Variants in AGTR1 observed in about 807,000 individuals in gnomAD.
AGTR1 encodes angiotensin II receptor type 1.
A neutral mutation model predicts 19.4 loss-of-function variants in AGTR1; 16 were observed. The ratio of observed to expected loss-of-function variants is 0.82; its 90% CI spans 0.56 to 1.25. AGTR1 has a LOEUF of 1.25. Among genes scored for constraint, AGTR1 ranks in the 50% most tolerant of loss-of-function variants. The pLI, the probability that AGTR1 is intolerant of heterozygous loss-of-function variation, is 0.00. For synonymous variants in AGTR1, 153 were observed against 154.9 expected (o/e 0.99, Z 0.09); for missense variants, 373 against 431.9 (o/e 0.86, Z 1.21).
At chr3:148,713,983 A>G (rs913180049) in intron 2 of AGTR1, among the ~76,000 whole-genome samples, 1 of 152,192 alleles carries the variant, frequency 6.6e-6, no homozygotes, top group East Asian at 1.9e-4. Context: ...TTGAACAGTT[A>G]TGAGGTAACT....
At chr3:148,706,916 TACAA>T (rs1712700355) in intron 1 of AGTR1, among the ~76,000 whole-genome samples, 1 of 152,064 alleles carries the variant, frequency 6.6e-6, no homozygotes, top group South Asian at 2.1e-4. Context: ...ACTTAGCATA[TACAA>T]ACAATTTGGT....
chr3:148,722,598 G>C (rs2107949427), intron 2 of AGTR1, among the ~76,000 whole-genome samples: 1 of 152,182 alleles, frequency 6.6e-6, no homozygotes, highest in Non-Finnish European at 1.5e-5. Flanking sequence ...TCTGGTCCCT[G>C]CTGGCCTGGA....
At chr3:148,702,039 A>G (rs1712379131) in intron 1 of AGTR1, among the ~76,000 whole-genome samples, 1 of 145,034 alleles carries the variant, frequency 6.9e-6, no homozygotes, top group Non-Finnish European at 1.5e-5. Flanking sequence ...GTGCAGTGGC[A>G]TGATCTCGGC....
rs766765776 is a variant in AGTR1 at position 148,742,084 on chromosome 3, A to G, written c.1049A>G (p.Lys350Arg). 1.2e-6 allele frequency: 2 copies of G among 1,614,152 alleles called. No individual in the cohort carries two copies. The highest frequency in any genetic ancestry group is 1.1e-5 in the South Asian group (1 of 91,084). Reference protein sequence around the residue: ...RPSDNVSSSTKKPAPCFEVE With the variant: ...RPSDNVSSSTRKPAPCFEVE The stretch of plus-strand genomic sequence containing the variant: ...TCAGATAATGTAAGCTCATCCACCA[A>G]GAAGCCTGCACCATGTTTTGAGGTT... Residue 350 changes from lysine (K) to arginine (R), a missense_variant, in exon 3 of 3, where the codon AAG (lysine) becomes AGG (arginine). Coordinates refer to ENST00000349243, the MANE Select transcript of AGTR1 (RefSeq NM_000685.5).
chr3:148,700,906 C>A (rs1448795764), intron 1 of AGTR1, among the ~76,000 whole-genome samples: 1 of 152,124 alleles, frequency 6.6e-6, no homozygotes, highest in African/African-American at 2.4e-5. Context: ...GTTTGTGTTT[C>A]TTTTCACTGT....
At chr3:148,718,676 A>G (rs1209628934) in intron 2 of AGTR1, among the ~76,000 whole-genome samples, 1 of 152,236 alleles carries the variant, frequency 6.6e-6, no homozygotes, top group African/African-American at 2.4e-5. Flanking sequence ...TTTTAAACCT[A>G]TATATTATGA....
At position 148,741,964 on chromosome 3, in the gene AGTR1, A is replaced by G. The variant is rs2107976039; in HGVS notation, c.929A>G (p.Lys310Arg). ...TATGGCTTTCTGGGGAAAAAATTTA[A>G]AAGATATTTTCTCCAGCTTCTAAAA... The part of the protein sequence containing the change: ...LFYGFLGKKF[K>R]RYFLQLLKYI... The change falls in exon 3 of 3, where the codon AAA becomes AGA. Residue 310 changes from lysine to arginine, a missense_variant. Coordinates refer to ENST00000349243, the MANE Select transcript of AGTR1 (RefSeq NM_000685.5). The G allele has an allele frequency of 6.2e-7, 1 of 1,613,874 alleles. No individual in the cohort carries two copies.
chr3:148,714,647 G>A (rs1483401106), intron 2 of AGTR1, among the ~76,000 whole-genome samples: 3 of 152,178 alleles, frequency 2.0e-5, no homozygotes, highest in African/African-American at 4.8e-5. Context: ...GCTCTGAAGT[G>A]TAGTGAAATG....
At chr3:148,721,141 G>A (rs1173292399) in intron 2 of AGTR1, among the ~76,000 whole-genome samples, 5 of 152,302 alleles carry the variant, frequency 3.3e-5, no homozygotes, top group African/African-American at 4.8e-5. Flanking sequence ...AAAGAAGGTA[G>A]TTATCCCTGT....
At chr3:148,714,016 TAGAATA>T (rs1298760001) in intron 2 of AGTR1, among the ~76,000 whole-genome samples, 5 of 152,156 alleles carry the variant, frequency 3.3e-5, no homozygotes, top group African/African-American at 4.8e-5. Flanking sequence ...CCTTTGCCTC[TAGAATA>T]AGAATATCAA....
At chr3:148,708,419 T>C (rs1188463136) in intron 2 of AGTR1, among the ~76,000 whole-genome samples, 1 of 152,148 alleles carries the variant, frequency 6.6e-6, no homozygotes, top group East Asian at 1.9e-4. Context: ...CGATTTGGGT[T>C]CTTTGATACC....
chr3:148,732,726 GA>G lies in AGTR1; in HGVS notation c.-47-8259del, dbSNP rs1467859592. On this transcript the variant is annotated intron_variant, in intron 2 of 2. Transcript: ENST00000349243. ...AAGGATTATAAAAGTTCATGCTTCG[GA>G]AAATTTTTTTTTTTTTTTTTTTTTT... 9.2e-4 allele frequency among the ~76,000 whole-genome samples: 134 copies of G among 146,288 alleles called. 1 individual carries two copies. Among genetic ancestry groups the G allele is most frequent in the African/African-American group, 3.1e-3 (121 of 39,616 alleles).
At chr3:148,724,873 A>G (rs972281121) in intron 2 of AGTR1, among the ~76,000 whole-genome samples, 9 of 152,226 alleles carry the variant, frequency 5.9e-5, no homozygotes, top group Non-Finnish European at 1.2e-4. Flanking sequence ...TCATATCAAA[A>G]TATCCAAAAT....
At chr3:148,731,025 C>A (rs1714224277) in intron 2 of AGTR1, among the ~76,000 whole-genome samples, 1 of 152,062 alleles carries the variant, frequency 6.6e-6, no homozygotes, top group African/African-American at 2.4e-5. Flanking sequence ...TGTAAAATAT[C>A]TTAATAATTT....
chr3:148,736,309 C>T (rs1714568802), intron 2 of AGTR1, among the ~76,000 whole-genome samples: 1 of 152,186 alleles, frequency 6.6e-6, no homozygotes, highest in Admixed American at 6.5e-5. Flanking sequence ...TAGATTCCCA[C>T]CTCACTCATG....
intron 2 of AGTR1, among the ~76,000 whole-genome samples, chr3:148,729,907 T>G (rs1331272452): frequency 6.6e-6 from 1 of 152,172 alleles, no homozygotes; most frequent in Non-Finnish European, 1.5e-5. Flanking sequence ...TGCTGGTACT[T>G]TAGTTTCTTC....
intron 2 of AGTR1, among the ~76,000 whole-genome samples, chr3:148,734,825 C>T (rs1714482740): frequency 6.6e-6 from 1 of 152,128 alleles, no homozygotes; most frequent in Admixed American, 6.5e-5. Context: ...GCAAATACAA[C>T]CTGTAAAGGC....
intron 1 of AGTR1, among the ~76,000 whole-genome samples, chr3:148,703,676 A>G (rs1192409646): frequency 6.6e-6 from 1 of 152,202 alleles, no homozygotes; most frequent in African/African-American, 2.4e-5. Flanking sequence ...CGAGATGTAA[A>G]CATAAGAATT....
At position 148,741,344 on chromosome 3, in the gene AGTR1, T is replaced by C; in HGVS notation, c.309T>C (p.Ile103=). ...CCTTTGGCAATTACCTATGTAAGAT[T>C]GCTTCAGCCAGCGTCAGTTTCAACC... ...RWPFGNYLCK[I]ASASVSFNLY... Residue 103 remains isoleucine (I), a synonymous_variant, in exon 3 of 3, where the codon ATT becomes ATC. Transcript: ENST00000349243. The C allele has an allele frequency of 6.2e-7, 1 of 1,607,420 alleles. No homozygotes were observed. The highest frequency in any genetic ancestry group is 8.5e-7 in the Non-Finnish European group (1 of 1,179,538).
Sources: gnomAD v4.1 joint callset for allele counts (sites outside exome capture counted in the v4.1 genomes callset) on GRCh38, gnomAD v4.1.1 for gene constraint, MANE v1.5 for transcripts, NCBI Gene and HGNC (gene_info 2026-07-23, HGNC 2026-07-21) for gene names.